Variants in NAALADL2 observed in about 807,000 individuals in gnomAD.
The protein encoded by NAALADL2 is inactive N-acetylated-alpha-linked acidic dipeptidase-like protein 2.
In NAALADL2, 76 loss-of-function variants were observed where a neutral mutation model predicts 87.2. That is an observed-to-expected ratio of 0.87 (90% CI 0.72 to 1.05). The LOEUF (loss-of-function observed/expected upper bound fraction) is 1.05, where lower values mean the gene tolerates loss of function less well. NAALADL2 is among the 50% of genes least tolerant of loss of function. The pLI, the probability that NAALADL2 is intolerant of heterozygous loss-of-function variation, is 0.00. For missense variants in NAALADL2, 1,089 were observed against 945.8 expected (o/e 1.15, Z -1.99); for synonymous variants, 354 against 331.0 (o/e 1.07, Z -0.75).
intron 1 of NAALADL2, among the ~76,000 whole-genome samples, chr3:175,056,098 A>G (rs115176674): frequency 0.25 from 38,545 of 151,734 alleles, 5,213 homozygotes; most frequent in African/African-American, 0.35. Flanking sequence ...ATAGTCACTG[A>G]GGCAACTACT....
intron 1 of NAALADL2, among the ~76,000 whole-genome samples, chr3:175,018,157 G>A (rs1210960234): frequency 6.6e-6 from 1 of 152,070 alleles, no homozygotes. Context: ...TTGCAGTAAA[G>A]ATGTACAGGG....
intron 3 of NAALADL2, among the ~76,000 whole-genome samples, chr3:174,810,618 C>T (rs145006058): frequency 1.2e-3 from 175 of 151,334 alleles, no homozygotes; most frequent in African/African-American, 4.0e-3. Flanking sequence ...AAAAATGATC[C>T]AAAACTAGAA....
chr3:174,652,628 ACCTCCCACAGGTC>A (rs1447331518), intron 2 of NAALADL2, among the ~76,000 whole-genome samples: 3 of 152,050 alleles, frequency 2.0e-5, no homozygotes, highest in Non-Finnish European at 4.4e-5. Context: ...TGATTCAGTT[ACCTCCCACAGGTC>A]CCTCCCACAA....
At chr3:175,034,944 A>C (rs1299824673) in intron 1 of NAALADL2, among the ~76,000 whole-genome samples, 1 of 152,066 alleles carries the variant, frequency 6.6e-6, no homozygotes, top group East Asian at 1.9e-4. Flanking sequence ...ATATAACCTC[A>C]TTGAGTGTTT....
At chr3:175,125,794 T>G (rs892880659) in intron 2 of NAALADL2, among the ~76,000 whole-genome samples, 1 of 152,034 alleles carries the variant, frequency 6.6e-6, no homozygotes, top group Admixed American at 6.6e-5. Flanking sequence ...GATAAAAGTT[T>G]TAGAATTGTC....
intron 2 of NAALADL2, among the ~76,000 whole-genome samples, chr3:174,663,557 A>C (rs1457046005): frequency 6.6e-6 from 1 of 152,002 alleles, no homozygotes. Context: ...AGAGGTCCAA[A>C]ACTCTTTAAC....
chr3:175,080,119 C>G (rs977838160), intron 1 of NAALADL2, among the ~76,000 whole-genome samples: 1 of 152,092 alleles, frequency 6.6e-6, no homozygotes, highest in Non-Finnish European at 1.5e-5. Flanking sequence ...GCGCCCGCCA[C>G]GGCGCCCGGC....
intron 2 of NAALADL2, among the ~76,000 whole-genome samples, chr3:175,213,088 T>G (rs1742007665): frequency 6.6e-6 from 1 of 152,146 alleles, no homozygotes; most frequent in Non-Finnish European, 1.5e-5. Context: ...TTACAAACAT[T>G]AATGCTTTTG....
intron 10 of NAALADL2, among the ~76,000 whole-genome samples, chr3:175,577,484 A>C (rs1192759104): frequency 6.6e-6 from 1 of 152,172 alleles, no homozygotes; most frequent in African/African-American, 2.4e-5. Flanking sequence ...TTTGATGAGG[A>C]TCAGCTGGAG....
At chr3:174,704,911 T>C (rs1041257126) in intron 2 of NAALADL2, among the ~76,000 whole-genome samples, 78 of 152,206 alleles carry the variant, frequency 5.1e-4, no homozygotes, top group African/African-American at 1.7e-3. Flanking sequence ...TCCTGCAGCA[T>C]ATTTTTGGTC....
chr3:175,104,889 T>C (rs1025471347), intron 2 of NAALADL2, among the ~76,000 whole-genome samples: 1 of 152,106 alleles, frequency 6.6e-6, no homozygotes, highest in Admixed American at 6.6e-5. Context: ...GCTCTGAACC[T>C]TAAGTAAGGC....
At chr3:174,662,943 A>T (rs1008059955) in intron 2 of NAALADL2, among the ~76,000 whole-genome samples, 1 of 152,220 alleles carries the variant, frequency 6.6e-6, no homozygotes, top group Non-Finnish European at 1.5e-5. Flanking sequence ...TACATAGATG[A>T]CACTCATCTA....
At chr3:174,985,286 T>G (rs1257893418) in intron 1 of NAALADL2, among the ~76,000 whole-genome samples, 1 of 152,210 alleles carries the variant, frequency 6.6e-6, no homozygotes, top group Non-Finnish European at 1.5e-5. Context: ...GCGGAAATGA[T>G]GTGAAAATGT....
Position 175,243,531 on chromosome 3 carries a change from CTTTTT to C in NAALADL2, c.819+9350_819+9354del, listed in dbSNP as rs3066298. Among the ~76,000 whole-genome samples, 343 of 85,580 alleles carry C rather than the reference CTTTTT, an allele frequency of 4.0e-3. 1 individual carries two copies. Among genetic ancestry groups the C allele is most frequent in the African/African-American group, 0.014 (323 of 22,694 alleles). 56.1% of individuals were successfully genotyped at this position (85,580 alleles called of 152,430 possible). On this transcript the variant is annotated intron_variant, in intron 3 of 13. Coordinates refer to ENST00000454872, the MANE Select transcript of NAALADL2 (RefSeq NM_207015.3). ...AATTTGCAAATGCTACACATCAGGA[CTTTTT>C]TTTTTTTTTTTTTTTTTTTTTTAAC...
intron 1 of NAALADL2, among the ~76,000 whole-genome samples, chr3:174,533,013 C>A (rs1265488318): frequency 6.6e-6 from 1 of 151,340 alleles, no homozygotes; most frequent in African/African-American, 2.4e-5. Flanking sequence ...GCTCACATTC[C>A]TTTCCTTATT....
intron 13 of NAALADL2, among the ~76,000 whole-genome samples, chr3:175,771,949 A>G (rs1345202333): frequency 3.9e-5 from 6 of 152,100 alleles, no homozygotes; most frequent in Admixed American, 1.3e-4. Flanking sequence ...TCTCCTGAGA[A>G]CTCACTCACT....
intron 2 of NAALADL2, among the ~76,000 whole-genome samples, chr3:174,590,664 A>C: frequency 6.6e-6 from 1 of 152,274 alleles, no homozygotes; most frequent in Non-Finnish European, 1.5e-5. Context: ...TTCTTGGTGC[A>C]GATTTTAACT....
At chr3:174,792,665 C>T (rs1393343003) in intron 3 of NAALADL2, among the ~76,000 whole-genome samples, 1 of 152,126 alleles carries the variant, frequency 6.6e-6, no homozygotes, top group Non-Finnish European at 1.5e-5. Flanking sequence ...AACCCCTGCT[C>T]AACAACTTTA....
At chr3:174,516,632 A>T (rs1015950355) in intron 1 of NAALADL2, among the ~76,000 whole-genome samples, 1 of 152,100 alleles carries the variant, frequency 6.6e-6, no homozygotes, top group East Asian at 1.9e-4. Flanking sequence ...CTATGAAATT[A>T]TTCATTTAAC....
Sources: allele counts gnomAD v4.1 joint callset (sites outside exome capture counted in the v4.1 genomes callset), GRCh38; gene constraint gnomAD v4.1.1; transcripts MANE v1.5; gene names NCBI Gene and HGNC (gene_info 2026-07-23, HGNC 2026-07-21).